UBAP2L: variants seen among roughly 807,000 people sequenced by gnomAD.
The protein encoded by UBAP2L is ubiquitin associated protein 2 like.
A neutral mutation model predicts 130.6 loss-of-function variants in UBAP2L; 12 were observed. The ratio of observed to expected loss-of-function variants is 0.09; its 90% CI spans 0.06 to 0.15. The LOEUF (loss-of-function observed/expected upper bound fraction) is 0.15, where lower values mean the gene tolerates loss of function less well. Ranked by LOEUF, UBAP2L falls within the 10% of genes least tolerant of loss-of-function variation. UBAP2L has a pLI of 1.00. For missense variants in UBAP2L, 965 were observed against 1,332.5 expected, an observed-to-expected ratio of 0.72 and a Z score of 4.29; for synonymous variants, 503 against 524.7, an observed-to-expected ratio of 0.96 and a Z score of 0.57.
At chr1:154,236,914 G>T (rs1671870655) in intron 7 of UBAP2L, 110 bp from the exon 8 acceptor site, 5 of 821,418 alleles carry the variant, frequency 6.1e-6, no homozygotes, top group Non-Finnish European at 9.9e-6. Context: ...ATAGAATGGG[G>T]CCATGACAGA....
intron 15 of UBAP2L, 66 bp from the exon 16 acceptor site, chr1:154,254,770 G>A: frequency 1.3e-6 from 2 of 1,534,438 alleles, no homozygotes; most frequent in African/African-American, 2.8e-5. Flanking sequence ...CTGCATCAGT[G>A]CTAACTTTCC....
chr1:154,249,018 A>G (rs890638990), intron 11 of UBAP2L, among the ~76,000 whole-genome samples: 1 of 152,094 alleles, frequency 6.6e-6, no homozygotes, highest in Admixed American at 6.6e-5. Flanking sequence ...GAGGAAAGAG[A>G]GATTAAAAAA....
intron 4 of UBAP2L, among the ~76,000 whole-genome samples, chr1:154,231,256 C>G (rs546318780): frequency 6.6e-6 from 1 of 150,860 alleles, no homozygotes; most frequent in African/African-American, 2.4e-5. Flanking sequence ...TCTTTAGTAG[C>G]TGGGACAACA....
intron 16 of UBAP2L, 118 bp downstream of exon 16, chr1:154,255,008 T>A: frequency 7.0e-7 from 1 of 1,433,306 alleles, no homozygotes; most frequent in Admixed American, 2.3e-5. Context: ...ATTCTCAGCA[T>A]TAAAGAAAAA....
Position 154,235,301 on chromosome 1 carries a change from T to G in UBAP2L, c.544+10T>G. The G allele has an allele frequency of 1.3e-6, 1 of 754,170 alleles. No homozygotes were observed. The highest frequency in any genetic ancestry group is 2.4e-6 in the Non-Finnish European group (1 of 411,534). The allele number at this position is 754,170 out of a possible 1,614,324, so 46.7% of individuals were successfully genotyped here. On this transcript the variant is annotated intron_variant, in intron 6 of 26. Transcript: ENST00000428931. Reference sequence around the variant, plus strand: ...CGTGGCCGAGGCAGAGGTGATCAGTTTGTTGGGGGATGGATATTGGGGGCA... The same window carrying G: ...CGTGGCCGAGGCAGAGGTGATCAGTGTGTTGGGGGATGGATATTGGGGGCA...
chr1:154,268,644 C>A (rs1684059229), intron 25 of UBAP2L, 113 bp from the exon 26 acceptor site: 3 of 1,003,396 alleles, frequency 3.0e-6, no homozygotes, highest in Non-Finnish European at 4.6e-6. Flanking sequence ...GTGTACTGTG[C>A]CTTCTGTGAC....
chr1:154,224,512 C>G (rs2148445361), intron 1 of UBAP2L, among the ~76,000 whole-genome samples: 1 of 152,258 alleles, frequency 6.6e-6, no homozygotes, highest in South Asian at 2.1e-4. Flanking sequence ...AAAACAAACC[C>G]ATAGCATACT....
chr1:154,245,271 G>GC (rs1469060993), intron 10 of UBAP2L, among the ~76,000 whole-genome samples: 1 of 152,104 alleles, frequency 6.6e-6, no homozygotes. Context: ...ACTATCTGGG[G>GC]CCCCACCCTG....
At position 154,270,439 on chromosome 1, in the gene UBAP2L, G is replaced by A. The variant is rs939960139; in HGVS notation, c.*144G>A. 14 of 1,526,606 alleles carry A rather than the reference G, an allele frequency of 9.2e-6. No individual in the cohort carries two copies. The highest frequency in any genetic ancestry group is 1.2e-5 in the South Asian group (1 of 82,690). 94.6% of individuals were successfully genotyped at this position (1,526,606 alleles called of 1,614,324 possible). ...GGCCCACCCCATGCCTCAGCTTCAT[G>A]TCTGTCCCATTCCTATACCATCCCC... On this transcript the variant is annotated 3_prime_UTR_variant, in exon 27 of 27. Coordinates refer to ENST00000428931, the MANE Select transcript of UBAP2L (RefSeq NM_014847.4).
rs193036009 is a variant in UBAP2L, at chr1:154,253,763, A to T, written c.1665-137A>T. 65 of 820,738 alleles carry T rather than the reference A, an allele frequency of 7.9e-5. No homozygotes were observed. In the East Asian group the frequency reaches 1.3e-3, roughly 16 times the overall value. 50.8% of individuals were successfully genotyped at this position (820,738 alleles called of 1,614,324 possible). A position where few individuals can be genotyped will look rare whatever the true frequency, so the allele number is the denominator to read the frequency against. On this transcript the variant is annotated intron_variant, in intron 14 of 26. Transcript: ENST00000428931. ...TGTTATCAGGAGGAAATTTTGGTAG[A>T]TTCTTCTATTTGTTGCTGAAAAATT...
At chr1:154,263,039 C>G in intron 24 of UBAP2L, 1 of 1,515,756 alleles carries the variant, frequency 6.6e-7, no homozygotes, top group Non-Finnish European at 8.9e-7. Context: ...ACCCCCAGTT[C>G]CCAACCCCAC....
At chr1:154,245,772 T>G (rs947167756) in intron 10 of UBAP2L, among the ~76,000 whole-genome samples, 14 of 151,582 alleles carry the variant, frequency 9.2e-5, no homozygotes, top group Non-Finnish European at 1.3e-4. Flanking sequence ...AAAAAAAAAT[T>G]AGCCGGGCGT....
chr1:154,222,666 A>G (rs2148410254), intron 1 of UBAP2L, among the ~76,000 whole-genome samples: 1 of 152,348 alleles, frequency 6.6e-6, no homozygotes, highest in South Asian at 2.1e-4. Flanking sequence ...TAGAGGTAGC[A>G]AATTTTACCC....
intron 14 of UBAP2L, among the ~76,000 whole-genome samples, chr1:154,251,900 G>A (rs1677723815): frequency 6.6e-6 from 1 of 152,290 alleles, no homozygotes; most frequent in South Asian, 2.1e-4. Context: ...ACTTTGGGTG[G>A]CCAAGGCAGG....
Position 154,251,338 on chromosome 1 carries a change from G to A in UBAP2L, c.1491+20G>A. On this transcript the variant is annotated intron_variant, in intron 13 of 26. Transcript: ENST00000428931. ...TCTAAGGTACTTAAACTTTTAGGTAGATACCATTTTATGGCAAGGGGTGTG... is the reference window on the plus strand; with the variant it reads ...TCTAAGGTACTTAAACTTTTAGGTAAATACCATTTTATGGCAAGGGGTGTG... 2 of 1,599,194 alleles carry A rather than the reference G, an allele frequency of 1.3e-6. No individual in the cohort carries two copies. The highest frequency in any genetic ancestry group is 1.4e-5 in the African/African-American group (1 of 74,068).
intron 17 of UBAP2L, 101 bp downstream of exon 17, chr1:154,255,427 T>C: frequency 1.4e-6 from 2 of 1,451,150 alleles, no homozygotes; most frequent in Non-Finnish European, 1.9e-6. Flanking sequence ...ACATTAGCCC[T>C]GCTTTTGTCG....
In UBAP2L at chr1:154,261,602, C is replaced by A; in HGVS notation, c.2807C>A (p.Thr936Asn). 6.2e-7 allele frequency: 1 copy of A among 1,614,148 alleles called. No individual in the cohort carries two copies. ...CTTTTTGCTCTTTAGGTGGCTCCTA[C>A]CTCTTCCAAGCAGCATGGTGTGAAT... is the stretch of plus-strand genomic sequence containing the variant. ...YGPAVFPVAPTSSKQHGVNVS... is the reference protein window; with the variant it reads ...YGPAVFPVAPNSSKQHGVNVS... The change falls in exon 24 of 27, where the codon ACC becomes AAC. Residue 936 changes from threonine (T) to asparagine (N), a missense_variant. Thr to Asn is a moderately conservative substitution (Grantham distance 65, BLOSUM62 0). Around this residue, in one of 9 missense-constraint regions of UBAP2L, gnomAD observed 194 missense variants for 334.0 expected, o/e 0.58. Transcript: ENST00000428931.
At chr1:154,264,815 G>C (rs1217654911) in intron 24 of UBAP2L, among the ~76,000 whole-genome samples, 1 of 151,774 alleles carries the variant, frequency 6.6e-6, no homozygotes, top group Non-Finnish European at 1.5e-5. Context: ...ACTTAAAAAT[G>C]TTCTACTTAT....
At position 154,268,830 on chromosome 1, in the gene UBAP2L, G is replaced by A; in HGVS notation, c.3044G>A (p.Ser1015Asn). 6.2e-7 allele frequency: 1 copy of A among 1,614,162 alleles called. No individual in the cohort carries two copies. The highest frequency in any genetic ancestry group is 8.5e-7 in the Non-Finnish European group (1 of 1,180,038). The change falls in exon 26 of 27, where the codon AGT becomes AAT. Residue 1015 changes from serine to asparagine, a missense_variant. Ser to Asn is a conservative substitution (Grantham distance 46). Coordinates refer to ENST00000428931, the MANE Select transcript of UBAP2L (RefSeq NM_014847.4). Reference protein sequence around the residue: ...ASFNLPSALGSGGPINPATAA... With the variant: ...ASFNLPSALGNGGPINPATAA... ...TTCAACTTGCCTTCAGCCCTAGGAA[G>A]TGGGGGCCCCATCAATCCGGCCACA...
Sources: allele counts gnomAD v4.1 joint callset (sites outside exome capture counted in the v4.1 genomes callset), GRCh38; gene constraint gnomAD v4.1.1; regional missense constraint gnomAD v4.1.1; transcripts MANE v1.5; gene names NCBI Gene and HGNC (gene_info 2026-07-23, HGNC 2026-07-21).